Variants in BRD4 observed in about 807,000 individuals in gnomAD.
BRD4 encodes the protein bromodomain containing 4.
In BRD4, 16 loss-of-function variants were observed where a neutral mutation model predicts 142.1. The observed-to-expected ratio is 0.11, with a 90% confidence interval of 0.08 to 0.17. The LOEUF (loss-of-function observed/expected upper bound fraction) is 0.17. Among genes scored for constraint, BRD4 ranks in the 10% least tolerant of loss-of-function variants. The pLI, the probability that BRD4 is intolerant of heterozygous loss-of-function variation, is 1.00. For missense variants in BRD4, 1,424 were observed against 1,810.9 expected, an observed-to-expected ratio of 0.79 and a Z score of 3.88; for synonymous variants, 833 against 707.5, an observed-to-expected ratio of 1.18 and a Z score of -2.82.
intron 7 of BRD4, among the ~76,000 whole-genome samples, chr19:15,258,096 C>T (rs2047432306): frequency 1.3e-5 from 2 of 152,196 alleles, no homozygotes; most frequent in South Asian, 4.1e-4. Context: ...TTCTGGGACC[C>T]GCTTCAAACC....
Position 15,257,059 on chromosome 19 carries a change from T to C in BRD4, c.1456A>G (p.Ser486Gly). Residue 486 changes from serine (S) to glycine (G), a missense_variant, in exon 8 of 20, where the codon AGC (serine) becomes GGC (glycine). This residue lies in a region of BRD4 where 90 missense variants were observed against 93.2 expected (regional missense o/e 0.97). Transcript: ENST00000679869. ...GAGGAGCTATCGCTGCTGCTGTCGC[T>C]GGATGAGGGCGGGGCCACAACCTTG... ...PTKVVAPPSS[S>G]DSSSDSSSDS... 6.2e-7 allele frequency: 1 copy of C among 1,603,658 alleles called. No individual in the cohort carries two copies. The highest frequency in any genetic ancestry group is 8.5e-7 in the Non-Finnish European group (1 of 1,177,028).
intron 1 of BRD4, among the ~76,000 whole-genome samples, chr19:15,296,229 G>A (rs1488714717): frequency 2.0e-5 from 3 of 152,274 alleles, no homozygotes; most frequent in East Asian, 1.9e-4. Context: ...ACTCCAGCCC[G>A]GCGACAGAGC....
Position 15,332,501 on chromosome 19 carries a change from A to AGGC in BRD4, c.-247_-246insGCC, listed in dbSNP as rs2048171852. On this transcript the variant is annotated 5_prime_UTR_variant, in exon 1 of 20. Transcript: ENST00000679869. ...TGCGGGAGACCAGAACAAACAGCCC[A>AGGC]GCCGCCGCCGCCGCCGCCGCCGCCG... 6.4e-6 allele frequency: 1 copy of AGGC among 155,818 alleles called. No homozygotes were observed. Among genetic ancestry groups the AGGC allele is most frequent in the East Asian group, 2.0e-4 (1 of 5,092 alleles). The allele number at this position is 155,818 out of a possible 1,614,324, so 9.7% of individuals were successfully genotyped here.
At chr19:15,295,551 C>T (rs2047816017) in intron 1 of BRD4, among the ~76,000 whole-genome samples, 1 of 152,208 alleles carries the variant, frequency 6.6e-6, no homozygotes, top group South Asian at 2.1e-4. Context: ...TGCTTTCCCC[C>T]TGCATCTGGA....
At chr19:15,325,828 G>A (rs1473923163) in intron 1 of BRD4, among the ~76,000 whole-genome samples, 2 of 151,418 alleles carry the variant, frequency 1.3e-5, no homozygotes, top group African/African-American at 2.4e-5. Context: ...GAGAAACCCC[G>A]TCTCTACTAG....
chr19:15,282,878 C>G (rs1022480311), intron 1 of BRD4, among the ~76,000 whole-genome samples: 2 of 152,180 alleles, frequency 1.3e-5, no homozygotes, highest in Non-Finnish European at 2.9e-5. Context: ...CAGGTGGGAG[C>G]ATTGCTTGAG....
chr19:15,237,894 C>T lies in BRD4; in HGVS notation c.*483G>A, dbSNP rs2047206451. The T allele has an allele frequency of 8.4e-6, 2 of 238,666 alleles. No homozygotes were observed. The highest frequency in any genetic ancestry group is 1.6e-5 in the Non-Finnish European group (2 of 121,800). The allele number at this position is 238,666 out of a possible 1,614,324, so 14.8% of individuals were successfully genotyped here. ...GAGGGGGTGGGCCGGCCTCGCCCGCCTCCAGCCCACGCAGGCCTGCCCTGG... is the reference window on the plus strand; with the variant it reads ...GAGGGGGTGGGCCGGCCTCGCCCGCTTCCAGCCCACGCAGGCCTGCCCTGG... On this transcript the variant is annotated 3_prime_UTR_variant, in exon 20 of 20. Coordinates refer to ENST00000679869, the MANE Select transcript of BRD4 (RefSeq NM_001379291.1).
rs753364398 is a variant in BRD4 at position 15,238,463 on chromosome 19, G to A, written c.4021-18C>T. 1 of 1,613,974 alleles carries A rather than the reference G, an allele frequency of 6.2e-7. No homozygotes were observed. The highest frequency in any genetic ancestry group is 1.1e-5 in the South Asian group (1 of 91,070). ...GCTGCCATCTGGAGGAGAAAGGAAGGAGGGAGTCAGGAGGATGACCTAGCC... is the reference window on the plus strand; with the variant it reads ...GCTGCCATCTGGAGGAGAAAGGAAGAAGGGAGTCAGGAGGATGACCTAGCC... On this transcript the variant is annotated intron_variant, in intron 19 of 19. Transcript: ENST00000679869. The surrounding 1 kb of genome is among the most constrained non-coding windows in gnomAD (Gnocchi z 7.2).
intron 1 of BRD4, among the ~76,000 whole-genome samples, chr19:15,326,876 T>C (rs1351720784): frequency 6.6e-6 from 1 of 152,204 alleles, no homozygotes; most frequent in Non-Finnish European, 1.5e-5. Flanking sequence ...CTGTCGAGAC[T>C]GAAAACAAAC....
At position 15,332,441 on chromosome 19, in the gene BRD4, A is replaced by AGCCGCTGCC. The variant is rs1056630451; in HGVS notation, c.-195_-187dup. On this transcript the variant is annotated 5_prime_UTR_variant, in exon 1 of 20. Coordinates refer to ENST00000679869, the MANE Select transcript of BRD4 (RefSeq NM_001379291.1). ...CGCGGGCACCGCCGGCAGCCGCCGC[A>AGCCGCTGCC]GCCGCTGCCGCCGCCACTGCTTCGG... 2.1e-5 allele frequency: 3 copies of AGCCGCTGCC among 145,150 alleles called. No individual in the cohort carries two copies. Among genetic ancestry groups the AGCCGCTGCC allele is most frequent in the Non-Finnish European group, 4.6e-5 (3 of 65,602 alleles). 9.0% of individuals were successfully genotyped at this position (145,150 alleles called of 1,614,324 possible).
intron 11 of BRD4, chr19:15,253,842 C>A: frequency 7.1e-7 from 1 of 1,417,038 alleles, no homozygotes; most frequent in East Asian, 2.4e-5. Flanking sequence ...CCACAGTCCT[C>A]ATGGCCCAGC....
Position 15,283,969 on chromosome 19 carries a change from G to A in BRD4, c.-34-10836C>T, listed in dbSNP as rs139987263. On this transcript the variant is annotated intron_variant, in intron 1 of 19. Coordinates refer to ENST00000679869, the MANE Select transcript of BRD4 (RefSeq NM_001379291.1). ...GAAAGCCAAACTAGACCTTTGATGG[G>A]CACGAGGAGAGATGGAGCCAGGAAC... Among the ~76,000 whole-genome samples, 504 of 152,240 alleles carry A rather than the reference G, an allele frequency of 3.3e-3. 3 individuals carry two copies. Among genetic ancestry groups the A allele is most frequent in the African/African-American group, 0.011 (466 of 41,518 alleles).
At chr19:15,274,541 G>A (rs771259720) in intron 1 of BRD4, among the ~76,000 whole-genome samples, 1 of 152,242 alleles carries the variant, frequency 6.6e-6, no homozygotes, top group Admixed American at 6.5e-5. Context: ...CACACGCCAG[G>A]TAAGTGATGG....
chr19:15,259,095 G>A (rs1372434990), intron 7 of BRD4, among the ~76,000 whole-genome samples: 2 of 151,342 alleles, frequency 1.3e-5, no homozygotes, highest in Non-Finnish European at 2.9e-5. Flanking sequence ...CCGGCTACGT[G>A]GCAGGTGGGT....
intron 1 of BRD4, among the ~76,000 whole-genome samples, chr19:15,287,129 C>T (rs568904726): frequency 6.6e-6 from 1 of 152,256 alleles, no homozygotes; most frequent in East Asian, 1.9e-4. Flanking sequence ...AACACATCAC[C>T]TGTGTGAATG....
intron 1 of BRD4, among the ~76,000 whole-genome samples, chr19:15,312,998 G>C (rs1177771951): frequency 1.3e-5 from 2 of 152,110 alleles, no homozygotes; most frequent in Non-Finnish European, 2.9e-5. Context: ...CTTGAGACTG[G>C]AGGGTGGAGG....
chr19:15,239,884 G>T lies in BRD4; in HGVS notation c.3282+26C>A, dbSNP rs199530457. ...AGGCACCCCCGGCCCTAGCCCACAG[G>T]ACTATGGCCCAGCCCTGCCAGTTAC... On this transcript the variant is annotated intron_variant, in intron 15 of 19. Coordinates refer to ENST00000679869, the MANE Select transcript of BRD4 (RefSeq NM_001379291.1). The surrounding 1 kb of genome is among the most constrained non-coding windows in gnomAD (Gnocchi z 7.4). 3.1e-6 allele frequency: 5 copies of T among 1,613,954 alleles called. No homozygotes were observed. The highest frequency in any genetic ancestry group is 1.7e-6 in the Non-Finnish European group (2 of 1,180,036).
At chr19:15,240,096 A>G (rs1283963747) in intron 14 of BRD4, 74 bp from the exon 15 acceptor site, 2 of 1,525,682 alleles carry the variant, frequency 1.3e-6, no homozygotes, top group African/African-American at 2.8e-5. Flanking sequence ...GTCGGGAAGG[A>G]AAACGTGGGC....
At chr19:15,280,951 C>A (rs1361764549) in intron 1 of BRD4, among the ~76,000 whole-genome samples, 1 of 152,244 alleles carries the variant, frequency 6.6e-6, no homozygotes, top group Non-Finnish European at 1.5e-5. Context: ...GCTGATTACA[C>A]AACATCAATA....
Sources: allele counts gnomAD v4.1 joint callset (sites outside exome capture counted in the v4.1 genomes callset), GRCh38; gene constraint gnomAD v4.1.1; regional missense constraint gnomAD v4.1.1; non-coding constraint Gnocchi (gnomAD v3.1); transcripts MANE v1.5; gene names NCBI Gene and HGNC (gene_info 2026-07-23, HGNC 2026-07-21).